Variants in DRC11 observed in about 807,000 individuals in gnomAD.
The protein encoded by DRC11 is IQ and AAA domain-containing protein 1.
At chr2:236,432,665 G>T in the DRC11 span, among the ~76,000 whole-genome samples, 1 of 152,090 alleles carries the variant, frequency 6.6e-6, no homozygotes, top group Non-Finnish European at 1.5e-5. Flanking sequence ...AAGGACTCTT[G>T]TCTGTGATAC....
At chr2:236,403,728 G>T in the DRC11 span, among the ~76,000 whole-genome samples, 10 of 152,078 alleles carry the variant, frequency 6.6e-5, no homozygotes, top group African/African-American at 2.2e-4. Flanking sequence ...AAATGAAAGT[G>T]CATGAGCCTA....
At chr2:236,404,705 T>C in the DRC11 span, among the ~76,000 whole-genome samples, 1 of 152,250 alleles carries the variant, frequency 6.6e-6, no homozygotes, top group African/African-American at 2.4e-5. Context: ...TTAATGCATA[T>C]ACCATGTAGA....
chr2:236,482,938 C>A, the DRC11 span, among the ~76,000 whole-genome samples: 2 of 152,074 alleles, frequency 1.3e-5, no homozygotes, highest in Non-Finnish European at 2.9e-5. This position sits in a 1 kb window ranked among gnomAD's most constrained non-coding sequence, Gnocchi z 4.5. Context: ...TTTCAGTGTG[C>A]CATTAAGTAG....
chr2:236,503,555 G>C, the DRC11 span: 1 of 1,345,542 alleles, frequency 7.4e-7, no homozygotes, highest in South Asian at 1.3e-5. This position sits in a 1 kb window ranked among gnomAD's most constrained non-coding sequence, Gnocchi z 4.9. Flanking sequence ...TCCCTGTCTG[G>C]GGGAGACCAG....
At chr2:236,411,405 G>C in the DRC11 span, among the ~76,000 whole-genome samples, 1 of 150,504 alleles carries the variant, frequency 6.6e-6, no homozygotes, top group Non-Finnish European at 1.5e-5. Context: ...AACAGGTGCT[G>C]GAGAGGATGT....
At chr2:236,325,854 C>T in the DRC11 span, among the ~76,000 whole-genome samples, 5 of 152,336 alleles carry the variant, frequency 3.3e-5, no homozygotes, top group East Asian at 1.9e-4. The surrounding 1 kb of genome is among the most constrained non-coding windows in gnomAD (Gnocchi z 4.4). Context: ...CTGCCCGTCT[C>T]GGCCTCCCCA....
chr2:236,334,564 C>T, the DRC11 span, among the ~76,000 whole-genome samples: 3 of 152,168 alleles, frequency 2.0e-5, no homozygotes, highest in African/African-American at 7.2e-5. The surrounding 1 kb of genome is among the most constrained non-coding windows in gnomAD (Gnocchi z 7.8). Flanking sequence ...CTCACATCTT[C>T]AGACCAATCT....
the DRC11 span, among the ~76,000 whole-genome samples, chr2:236,330,721 C>T: frequency 1.3e-5 from 2 of 152,120 alleles, no homozygotes; most frequent in African/African-American, 4.8e-5. The surrounding 1 kb of genome is among the most constrained non-coding windows in gnomAD (Gnocchi z 5.5). Flanking sequence ...AAACTTCCTT[C>T]AGAAAGACAA....
the DRC11 span, among the ~76,000 whole-genome samples, chr2:236,436,064 C>G: frequency 6.6e-6 from 1 of 152,130 alleles, no homozygotes; most frequent in South Asian, 2.1e-4. Flanking sequence ...CACACCAACT[C>G]CAGTCATTAC....
chr2:236,478,032 T>TG, the DRC11 span, among the ~76,000 whole-genome samples: 2,126 of 149,342 alleles, frequency 0.014, 53 homozygotes, highest in African/African-American at 0.049. This position sits in a 1 kb window ranked among gnomAD's most constrained non-coding sequence, Gnocchi z 5.9. Context: ...TGTGTGTGTG[T>TG]TTTAGTCTCA....
At chr2:236,358,665 C>T in the DRC11 span, among the ~76,000 whole-genome samples, 1 of 145,824 alleles carries the variant, frequency 6.9e-6, no homozygotes, top group Admixed American at 6.8e-5. Flanking sequence ...CATGCTAAGG[C>T]GTTTTACACA....
the DRC11 span, among the ~76,000 whole-genome samples, chr2:236,482,700 T>A: frequency 6.6e-6 from 1 of 152,092 alleles, no homozygotes; most frequent in South Asian, 2.1e-4. The surrounding 1 kb of genome is among the most constrained non-coding windows in gnomAD (Gnocchi z 4.5). Flanking sequence ...TTGGCAGCAC[T>A]TTTTTTTCTT....
chr2:236,425,961 C>A, the DRC11 span, among the ~76,000 whole-genome samples: 1 of 151,956 alleles, frequency 6.6e-6, no homozygotes, highest in African/African-American at 2.4e-5. Flanking sequence ...GGATTTATTT[C>A]TGGGCTCTCT....
chr2:236,448,611 C>T, the DRC11 span, among the ~76,000 whole-genome samples: 1 of 152,042 alleles, frequency 6.6e-6, no homozygotes, highest in African/African-American at 2.4e-5. The surrounding 1 kb of genome is among the most constrained non-coding windows in gnomAD (Gnocchi z 5.3). Flanking sequence ...GCCGGGATTA[C>T]AGGCATGAGC....
chr2:236,326,399 TG>T, the DRC11 span, among the ~76,000 whole-genome samples: 1 of 152,226 alleles, frequency 6.6e-6, no homozygotes, highest in African/African-American at 2.4e-5. Flanking sequence ...TTTACCTTCT[TG>T]TTTTTTTGTG....
At chr2:236,398,156 T>C in the DRC11 span, among the ~76,000 whole-genome samples, 4 of 152,164 alleles carry the variant, frequency 2.6e-5, no homozygotes, top group Admixed American at 2.6e-4. This position sits in a 1 kb window ranked among gnomAD's most constrained non-coding sequence, Gnocchi z 6.2. Flanking sequence ...ACGTCTTAGG[T>C]ACTTAATAAA....
chr2:236,357,284 A>G, the DRC11 span, among the ~76,000 whole-genome samples: 1 of 108,882 alleles, frequency 9.2e-6, no homozygotes, highest in Non-Finnish European at 1.8e-5. Context: ...TATATTATAT[A>G]TTTATATATT....
the DRC11 span, among the ~76,000 whole-genome samples, chr2:236,347,554 G>GT: frequency 7.9e-6 from 1 of 127,388 alleles, no homozygotes; most frequent in Non-Finnish European, 1.8e-5. Context: ...GCCATAAAAA[G>GT]AAATGAATTA....
chr2:236,442,743 G>A, the DRC11 span, among the ~76,000 whole-genome samples: 1 of 152,186 alleles, frequency 6.6e-6, no homozygotes, highest in South Asian at 2.1e-4. Context: ...TATAATGGAA[G>A]GTCTAAGTCA....
Sources: allele counts gnomAD v4.1 joint callset (sites outside exome capture counted in the v4.1 genomes callset), GRCh38; gene constraint gnomAD v4.1.1; non-coding constraint Gnocchi (gnomAD v3.1); transcripts MANE v1.5; gene names NCBI Gene and HGNC (gene_info 2026-07-23, HGNC 2026-07-21).